Variants in SLC27A5 observed in about 807,000 individuals in gnomAD.
The protein encoded by SLC27A5 is solute carrier family 27 member 5.
A neutral mutation model predicts 63.1 loss-of-function variants in SLC27A5; 47 were observed. The ratio of observed to expected loss-of-function variants is 0.74; its 90% CI spans 0.59 to 0.95. The LOEUF is 0.95. Ranked by LOEUF, SLC27A5 falls within the 40% of genes least tolerant of loss-of-function variation. The pLI is 0.00. For synonymous variants in SLC27A5, 391 were observed against 403.8 expected (o/e 0.97, Z 0.38); for missense variants, 940 against 921.0 (o/e 1.02, Z -0.27).
intron 8 of SLC27A5, 70 bp downstream of exon 8, chr19:58,499,053 C>T (rs2053241600): frequency 6.2e-7 from 1 of 1,605,118 alleles, no homozygotes; most frequent in African/African-American, 1.3e-5. Flanking sequence ...ACTTCCCCAC[C>T]TGTAAAATCA....
chr19:58,501,010 A>G, intron 4 of SLC27A5: 1 of 1,177,666 alleles, frequency 8.5e-7, no homozygotes, highest in South Asian at 2.7e-5. Context: ...TTTAATGGAA[A>G]TTTAATTTTA....
At chr19:58,508,600 G>C (rs954450932) in intron 3 of SLC27A5, 6 of 151,600 alleles carry the variant, frequency 4.0e-5, no homozygotes, top group African/African-American at 1.5e-4. Flanking sequence ...TTAGGGGCAG[G>C]TTCCCCCGAT....
chr19:58,503,062 G>A (rs966624053), intron 3 of SLC27A5, among the ~76,000 whole-genome samples: 11 of 152,218 alleles, frequency 7.2e-5, no homozygotes, highest in African/African-American at 2.6e-4. Flanking sequence ...AAAATTAGCT[G>A]GGCGTGGTAG....
In SLC27A5 at chr19:58,499,121, A is replaced by C; in HGVS notation, c.1765+2T>G. The C allele has an allele frequency of 1.2e-6, 2 of 1,613,936 alleles. No individual in the cohort carries two copies. The highest frequency in any genetic ancestry group is 1.7e-6 in the Non-Finnish European group (2 of 1,179,990). ...GAAGTTTAAAATGAGAACCCTCCGC[A>C]CCTGGCACGCACACGCCATACACGT... On this transcript the variant is annotated splice_donor_variant, in intron 8 of 9. Coordinates refer to ENST00000263093, the MANE Select transcript of SLC27A5 (RefSeq NM_012254.3). LOFTEE classifies it high-confidence loss of function.
intron 8 of SLC27A5, 72 bp from the exon 9 acceptor site, chr19:58,498,987 G>C: frequency 6.3e-7 from 1 of 1,591,500 alleles, no homozygotes; most frequent in Non-Finnish European, 8.6e-7. Flanking sequence ...GCCTCGCCCA[G>C]CTCTGCTCAC....
intron 2 of SLC27A5, chr19:58,510,484 G>T: frequency 2.1e-6 from 1 of 466,652 alleles, no homozygotes; most frequent in South Asian, 3.5e-5. Context: ...TGAGGCAAGA[G>T]AATTGCTTGA....
rs34415062 is a variant in SLC27A5 at position 58,511,799 on chromosome 19, G to A, written c.157C>T (p.Arg53Trp). 0.18 allele frequency: 274,397 copies of A among 1,555,990 alleles called. 24,943 individuals are homozygous for A. Among genetic ancestry groups the A allele is most frequent in the Middle Eastern group, 0.27 (1,348 of 4,912 alleles). The change falls in exon 1 of 10, where the codon CGG (arginine) becomes TGG (tryptophan). Residue 53 changes from arginine (R) to tryptophan (W), a missense_variant. Coordinates refer to ENST00000263093, the MANE Select transcript of SLC27A5 (RefSeq NM_012254.3). ...CVLLGLAMLA[R>W]PWLGPWVPHG... is the part of the protein sequence containing the mutation. ...GGCACCCAGGGGCCGAGCCAGGGCC[G>A]TGCTAACATGGCCAGCCCAAGTAGC...
At chr19:58,506,648 ACT>A (rs1491251471) in intron 3 of SLC27A5, among the ~76,000 whole-genome samples, 1 of 142,026 alleles carries the variant, frequency 7.0e-6, no homozygotes, top group African/African-American at 2.7e-5. Context: ...AACTATTTTC[ACT>A]TTTTTTTTTT....
At chr19:58,508,757 G>A (rs1030095029) in intron 3 of SLC27A5, 3 of 151,116 alleles carry the variant, frequency 2.0e-5, no homozygotes, top group African/African-American at 7.3e-5. Context: ...AACCACACAT[G>A]GCCATGATAA....
Position 58,510,884 on chromosome 19 carries a change from C to G in SLC27A5, c.735G>C (p.Glu245Asp), listed in dbSNP as rs369406989. The change falls in exon 2 of 10, where the codon GAG becomes GAC. Residue 245 changes from glutamate (E) to aspartate (D), a missense_variant. By Grantham distance (45) the Glu-to-Asp change is conservative (BLOSUM62 2). Coordinates refer to ENST00000263093, the MANE Select transcript of SLC27A5 (RefSeq NM_012254.3). ...GGCTGAGGTAGAAGCAGCGGATGTTCTCAGCCTGCAGCTTGGGAAGGATCT... is the reference window on the plus strand; with the variant it reads ...GGCTGAGGTAGAAGCAGCGGATGTTGTCAGCCTGCAGCTTGGGAAGGATCT... Reference protein sequence around the residue: ...LEEILPKLQAENIRCFYLSHT... With the variant: ...LEEILPKLQADNIRCFYLSHT... 1 of 1,612,354 alleles carries G rather than the reference C, an allele frequency of 6.2e-7. No individual in the cohort carries two copies.
At chr19:58,505,874 C>T (rs890874147) in intron 3 of SLC27A5, among the ~76,000 whole-genome samples, 7 of 151,176 alleles carry the variant, frequency 4.6e-5, no homozygotes, top group African/African-American at 9.7e-5. Context: ...AACATTTGGC[C>T]GGGCACGGTA....
chr19:58,502,074 G>A (rs1164736396), intron 3 of SLC27A5, among the ~76,000 whole-genome samples: 1 of 152,262 alleles, frequency 6.6e-6, no homozygotes, highest in Non-Finnish European at 1.5e-5. Flanking sequence ...TGGGTGGGCA[G>A]GTGGATGGAT....
rs1252356264 is a variant in SLC27A5 at position 58,509,831 on chromosome 19, T to C, written c.1057+16A>G. 3.7e-6 allele frequency: 6 copies of C among 1,605,854 alleles called. No individual in the cohort carries two copies. The highest frequency in any genetic ancestry group is 5.1e-6 in the Non-Finnish European group (6 of 1,175,580). On this transcript the variant is annotated intron_variant, in intron 3 of 9. Coordinates refer to ENST00000263093, the MANE Select transcript of SLC27A5 (RefSeq NM_012254.3). Reference sequence around the variant, plus strand: ...GTGGTCCTGTAGACTGGAGGGATCCTCAGAAGTGGGCTTACCGAGATCTAA... The same window carrying C: ...GTGGTCCTGTAGACTGGAGGGATCCCCAGAAGTGGGCTTACCGAGATCTAA...
chr19:58,510,644 T>G, intron 2 of SLC27A5, 77 bp downstream of exon 2: 28 of 1,277,770 alleles, frequency 2.2e-5, no homozygotes, highest in Non-Finnish European at 2.8e-5. Context: ...AGGTCAACAC[T>G]GAGTCACAAG....
Position 58,499,524 on chromosome 19 carries a change from G to C in SLC27A5, c.1635C>G (p.Leu545=). 1 of 1,613,102 alleles carries C rather than the reference G, an allele frequency of 6.2e-7. No individual in the cohort carries two copies. Among genetic ancestry groups the C allele is most frequent in the Non-Finnish European group, 8.5e-7 (1 of 1,180,016 alleles). ...DVLAMDREGF[L]YFRDRLGDTF... Reference sequence around the variant, plus strand: ...TGTCCCCGAGGCGGTCGCGGAAGTAGAGGAAGCCTTCGCGGTCCATGGCCA... The same window carrying C: ...TGTCCCCGAGGCGGTCGCGGAAGTACAGGAAGCCTTCGCGGTCCATGGCCA... The change falls in exon 7 of 10, where the codon CTC becomes CTG. Residue 545 remains leucine (L), a synonymous_variant. Transcript: ENST00000263093.
At chr19:58,505,081 T>A (rs1312063653) in intron 3 of SLC27A5, among the ~76,000 whole-genome samples, 1 of 148,722 alleles carries the variant, frequency 6.7e-6, no homozygotes, top group Non-Finnish European at 1.5e-5. Context: ...ACCTGAGATG[T>A]CATCAAACTA....
At chr19:58,507,156 A>C (rs1056023597) in intron 3 of SLC27A5, among the ~76,000 whole-genome samples, 1 of 151,988 alleles carries the variant, frequency 6.6e-6, no homozygotes, top group Non-Finnish European at 1.5e-5. Context: ...CAGGTGTTGG[A>C]GACCAGCCTG....
At chr19:58,507,760 G>T (rs907855377) in intron 3 of SLC27A5, 2 of 152,146 alleles carry the variant, frequency 1.3e-5, no homozygotes, top group Admixed American at 1.3e-4. Flanking sequence ...TCATTCCTGG[G>T]GGGAGGTCTA....
Position 58,500,717 on chromosome 19 carries a change from G to A in SLC27A5, c.1183-11C>T, listed in dbSNP as rs1476124848. On this transcript the variant is annotated splice_polypyrimidine_tract_variant and intron_variant, in intron 4 of 9. Transcript: ENST00000263093. ...CCGGTCCTCTGGTTGCTACAGGAAT[G>A]TCCCCAGAAGGGTGAGGAGGAGGTG... 9.3e-6 allele frequency: 15 copies of A among 1,606,506 alleles called. No homozygotes were observed. In the African/African-American group the frequency reaches 1.2e-4, roughly 13 times the overall value.
Sources: allele counts gnomAD v4.1 joint callset (sites outside exome capture counted in the v4.1 genomes callset), GRCh38; gene constraint gnomAD v4.1.1; transcripts MANE v1.5; gene names NCBI Gene and HGNC (gene_info 2026-07-23, HGNC 2026-07-21).